TSPAN9: variants seen among roughly 807,000 people sequenced by gnomAD.
TSPAN9 encodes tetraspanin-9.
In TSPAN9, 16 loss-of-function variants were observed where a neutral mutation model predicts 31.0. That is an observed-to-expected ratio of 0.52 (90% CI 0.35 to 0.78). The LOEUF (loss-of-function observed/expected upper bound fraction) is 0.78. Among genes scored for constraint, TSPAN9 ranks in the 30% least tolerant of loss-of-function variants. The probability of loss-of-function intolerance (pLI) is 0.01; values close to 1 mark genes in which losing one functional copy is unlikely to be tolerated. For synonymous variants in TSPAN9, 145 were observed against 121.6 expected, an observed-to-expected ratio of 1.19 and a Z score of -1.27; for missense variants, 272 against 312.5, an observed-to-expected ratio of 0.87 and a Z score of 0.98.
At chr12:3,226,986 C>A (rs1236296246) in intron 3 of TSPAN9, among the ~76,000 whole-genome samples, 1 of 149,508 alleles carries the variant, frequency 6.7e-6, no homozygotes. Flanking sequence ...AGGTTATCCT[C>A]CCATTGGTTA....
intron 2 of TSPAN9, among the ~76,000 whole-genome samples, chr12:3,122,117 C>T (rs186183470): frequency 3.3e-5 from 5 of 152,146 alleles, no homozygotes; most frequent in East Asian, 3.9e-4. Context: ...AGGCAGATCA[C>T]GAGGTCAGGA....
chr12:3,188,793 G>A (rs1273991779), intron 2 of TSPAN9, among the ~76,000 whole-genome samples: 1 of 152,172 alleles, frequency 6.6e-6, no homozygotes, highest in Non-Finnish European at 1.5e-5. Context: ...GGCCTCCAGA[G>A]AGGACTCATG....
intron 2 of TSPAN9, among the ~76,000 whole-genome samples, chr12:3,128,650 C>T (rs2153966775): frequency 1.3e-5 from 2 of 152,320 alleles, no homozygotes; most frequent in Admixed American, 1.3e-4. Flanking sequence ...TCAGGCACCC[C>T]TGCACTCTGC....
chr12:3,160,154 A>G (rs1416858029), intron 2 of TSPAN9, among the ~76,000 whole-genome samples: 1 of 152,152 alleles, frequency 6.6e-6, no homozygotes, highest in Non-Finnish European at 1.5e-5. Context: ...TGTTGCTTAT[A>G]TTGTGGATGC....
intron 2 of TSPAN9, among the ~76,000 whole-genome samples, chr12:3,111,173 G>T (rs555933302): frequency 5.9e-5 from 9 of 152,232 alleles, no homozygotes; most frequent in African/African-American, 1.4e-4. Flanking sequence ...TCACTTTTCT[G>T]GGCCAGAATA....
intron 3 of TSPAN9, among the ~76,000 whole-genome samples, chr12:3,243,080 G>A (rs1421352993): frequency 6.6e-6 from 1 of 152,202 alleles, no homozygotes; most frequent in African/African-American, 2.4e-5. Context: ...GAGCAGGGAA[G>A]ATGCCATCAA....
chr12:3,103,577 TTGTCTC>T, intron 2 of TSPAN9, among the ~76,000 whole-genome samples: 1 of 142,668 alleles, frequency 7.0e-6, no homozygotes, highest in African/African-American at 3.1e-5. Context: ...TTTGGGGTCT[TTGTCTC>T]TGTAGGGCTC....
At position 3,283,593 on chromosome 12, in the gene TSPAN9, C is replaced by T. The variant is rs868507358; in HGVS notation, c.*477C>T. On this transcript the variant is annotated 3_prime_UTR_variant, in exon 9 of 9. Coordinates refer to ENST00000011898, the MANE Select transcript of TSPAN9 (RefSeq NM_006675.5). Reference sequence around the variant, plus strand: ...GGGCAAGGCCCCTGGAGCATCTCGCCCAGGCTTTTTATACCTTACAATGTA... The same window carrying T: ...GGGCAAGGCCCCTGGAGCATCTCGCTCAGGCTTTTTATACCTTACAATGTA... 15 of 156,566 alleles carry T rather than the reference C, an allele frequency of 9.6e-5. No individual in the cohort carries two copies. The highest frequency in any genetic ancestry group is 3.2e-4 in the Admixed American group (5 of 15,408). 9.7% of individuals were successfully genotyped at this position (156,566 alleles called of 1,614,324 possible). A position where few individuals can be genotyped will look rare whatever the true frequency, so the allele number is the denominator to read the frequency against.
At chr12:3,184,587 TC>T (rs2098360186) in intron 2 of TSPAN9, among the ~76,000 whole-genome samples, 1 of 152,022 alleles carries the variant, frequency 6.6e-6, no homozygotes, top group Non-Finnish European at 1.5e-5. Flanking sequence ...GTAGCAGGGC[TC>T]CCCGATGATA....
rs538252536 is a variant in TSPAN9, at chr12:3,251,218, G to A, written c.64-27203G>A. 3.9e-5 allele frequency among the ~76,000 whole-genome samples: 6 copies of A among 152,328 alleles called. No individual in the cohort carries two copies. In the South Asian group the frequency reaches 1.2e-3, roughly 32 times the overall value. On this transcript the variant is annotated intron_variant, in intron 3 of 8. Coordinates refer to ENST00000011898, the MANE Select transcript of TSPAN9 (RefSeq NM_006675.5). Reference sequence around the variant, plus strand: ...AGACTTGGTGGCATGTAGAGCCCCAGCAGAGACCTCCTCCATGACTAAGCA... The same window carrying A: ...AGACTTGGTGGCATGTAGAGCCCCAACAGAGACCTCCTCCATGACTAAGCA...
In TSPAN9 at chr12:3,079,945, A is replaced by AT. The variant is rs533753373; in HGVS notation, c.-85+2508dup. On this transcript the variant is annotated intron_variant, in intron 1 of 8. Coordinates refer to ENST00000011898, the MANE Select transcript of TSPAN9 (RefSeq NM_006675.5). ...GCCCCATGCTCAGATAATTAAAAAA[A>AT]TTTTTTTTTTTTTTTTGGTAGAGAC... Among the ~76,000 whole-genome samples, 1,137 of 140,348 alleles carry AT rather than the reference A, an allele frequency of 8.1e-3. 14 individuals carry two copies. The highest frequency in any genetic ancestry group is 0.021 in the African/African-American group (804 of 38,144). The allele number at this position is 140,348 out of a possible 152,430, so 92.1% of individuals were successfully genotyped here.
intron 3 of TSPAN9, among the ~76,000 whole-genome samples, chr12:3,255,887 G>T (rs900873439): frequency 2.0e-5 from 3 of 152,176 alleles, no homozygotes; most frequent in Non-Finnish European, 4.4e-5. Flanking sequence ...CAACAAGCTG[G>T]ACACCCCTTT....
intron 2 of TSPAN9, among the ~76,000 whole-genome samples, chr12:3,108,972 C>CTG (rs1555141759): frequency 2.0e-5 from 3 of 151,022 alleles, no homozygotes; most frequent in Admixed American, 1.3e-4. Flanking sequence ...GAGTCTCGCT[C>CTG]TTGCCCAGGC....
chr12:3,152,131 G>C, intron 2 of TSPAN9, among the ~76,000 whole-genome samples: 1 of 152,174 alleles, frequency 6.6e-6, no homozygotes, highest in East Asian at 1.9e-4. Context: ...TGGGGAGTCT[G>C]ACCAGCTTGG....
chr12:3,239,496 C>T (rs887180995), intron 3 of TSPAN9, among the ~76,000 whole-genome samples: 8 of 152,194 alleles, frequency 5.3e-5, no homozygotes, highest in Admixed American at 1.3e-4. Context: ...CCTCCATGGG[C>T]GAGCAGTGTC....
At chr12:3,174,709 A>T (rs976239838) in intron 2 of TSPAN9, among the ~76,000 whole-genome samples, 1 of 150,750 alleles carries the variant, frequency 6.6e-6, no homozygotes, top group Admixed American at 6.6e-5. Flanking sequence ...CAGCCTCCCG[A>T]GTAGCTGGGA....
intron 3 of TSPAN9, 102 bp from the exon 4 acceptor site, chr12:3,278,319 T>G: frequency 6.7e-7 from 1 of 1,491,248 alleles, no homozygotes; most frequent in Non-Finnish European, 9.1e-7. Flanking sequence ...GGTTCTCACT[T>G]TGTCTGTGTC....
intron 2 of TSPAN9, among the ~76,000 whole-genome samples, chr12:3,144,247 C>T (rs914977811): frequency 6.6e-6 from 1 of 152,120 alleles, no homozygotes; most frequent in Non-Finnish European, 1.5e-5. Flanking sequence ...ATTACAGGCA[C>T]CTGCCACCAC....
intron 3 of TSPAN9, among the ~76,000 whole-genome samples, chr12:3,244,633 A>G (rs1327025013): frequency 6.6e-6 from 1 of 152,174 alleles, no homozygotes; most frequent in Non-Finnish European, 1.5e-5. Flanking sequence ...GAGCGCCAGT[A>G]GCAGCAGGTC....
Sources: gnomAD v4.1 joint callset for allele counts (sites outside exome capture counted in the v4.1 genomes callset) on GRCh38, gnomAD v4.1.1 for gene constraint, MANE v1.5 for transcripts, NCBI Gene and HGNC (gene_info 2026-07-23, HGNC 2026-07-21) for gene names.